C1orf87: variants seen among roughly 807,000 people sequenced by gnomAD.
C1orf87 encodes uncharacterized protein C1orf87.
A neutral mutation model predicts 60.5 loss-of-function variants in C1orf87; 58 were observed. That is an observed-to-expected ratio of 0.96 (90% CI 0.78 to 1.19). C1orf87 has a LOEUF of 1.19. Among genes scored for constraint, C1orf87 ranks in the 50% most tolerant of loss-of-function variants. The pLI is 0.00. For missense variants in C1orf87, 673 were observed against 638.6 expected (o/e 1.05, Z -0.58); for synonymous variants, 236 against 227.4 (o/e 1.04, Z -0.34).
chr1:60,050,960 C>T (rs969698682), intron 3 of C1orf87, among the ~76,000 whole-genome samples: 2 of 152,136 alleles, frequency 1.3e-5, no homozygotes, highest in Non-Finnish European at 2.9e-5. Context: ...TTACCTCAGT[C>T]TTGGAAATCA....
intron 11 of C1orf87, 137 bp downstream of exon 11, chr1:59,997,472 G>T: frequency 1.4e-6 from 1 of 740,172 alleles, no homozygotes; most frequent in Non-Finnish European, 2.2e-6. Context: ...TTTCTGGATT[G>T]TGCTCAGCAC....
At chr1:60,017,456 T>G (rs1476486633) in intron 8 of C1orf87, among the ~76,000 whole-genome samples, 1 of 152,200 alleles carries the variant, frequency 6.6e-6, no homozygotes. Flanking sequence ...CTGTGTCAAT[T>G]GCTCCCCTCT....
intron 8 of C1orf87, among the ~76,000 whole-genome samples, chr1:60,011,684 A>G (rs1217921303): frequency 6.6e-6 from 1 of 152,142 alleles, no homozygotes. Flanking sequence ...TGGGAAATAC[A>G]TATGCTGGGT....
At chr1:60,063,941 G>A (rs995587523) in intron 2 of C1orf87, among the ~76,000 whole-genome samples, 1 of 152,136 alleles carries the variant, frequency 6.6e-6, no homozygotes, top group East Asian at 1.9e-4. Context: ...TGTTGCCAAA[G>A]GAGGTTAACA....
chr1:60,039,783 TA>T, intron 5 of C1orf87, 133 bp downstream of exon 5: 1 of 988,024 alleles, frequency 1.0e-6, no homozygotes, highest in Non-Finnish European at 1.5e-6. Context: ...TGAATATAAA[TA>T]AGCTTTTTAT....
chr1:60,047,722 A>G (rs940669238), intron 3 of C1orf87, among the ~76,000 whole-genome samples: 3 of 117,490 alleles, frequency 2.6e-5, no homozygotes, highest in African/African-American at 9.1e-5. Context: ...TATACCCCAA[A>G]TAGCAAGTCC....
At chr1:60,041,560 T>C (rs1386331013) in intron 3 of C1orf87, among the ~76,000 whole-genome samples, 1 of 152,160 alleles carries the variant, frequency 6.6e-6, no homozygotes, top group African/African-American at 2.4e-5. Flanking sequence ...AATATTATAC[T>C]CTAGGAGTAA....
At chr1:60,047,795 A>C (rs758089088) in intron 3 of C1orf87, among the ~76,000 whole-genome samples, 3 of 152,026 alleles carry the variant, frequency 2.0e-5, no homozygotes, top group Non-Finnish European at 2.9e-5. Context: ...TAAAATATAC[A>C]CACAGAGAAT....
At chr1:60,008,023 G>T (rs1163627326) in intron 9 of C1orf87, among the ~76,000 whole-genome samples, 1 of 151,860 alleles carries the variant, frequency 6.6e-6, no homozygotes, top group Non-Finnish European at 1.5e-5. Flanking sequence ...AGAAAAAAAT[G>T]GCTCACTCAG....
intron 8 of C1orf87, among the ~76,000 whole-genome samples, chr1:60,011,180 C>A (rs1290950979): frequency 2.0e-5 from 3 of 152,026 alleles, no homozygotes; most frequent in East Asian, 3.9e-4. Context: ...CTGCAAGAGA[C>A]AACCAGGTAA....
Position 60,040,172 on chromosome 1 carries a change from G to A in C1orf87, c.492C>T (p.Gly164=). ...CATTTGTTGTCCCACTTGGGCTCTG[G>A]CCAATATCCTAACACAACAATGAAA... is the stretch of plus-strand genomic sequence containing the variant. ...RGSSDQPEDI[G]QSPSGTTNED... The change falls in exon 5 of 12, where the codon GGC becomes GGT. Residue 164 remains glycine (G), a synonymous_variant. Coordinates refer to ENST00000371201, the MANE Select transcript of C1orf87 (RefSeq NM_152377.3). 1 of 1,612,004 alleles carries A rather than the reference G, an allele frequency of 6.2e-7. No individual in the cohort carries two copies. Among genetic ancestry groups the A allele is most frequent in the Non-Finnish European group, 8.5e-7 (1 of 1,179,526 alleles).
chr1:59,997,542 T>G, intron 11 of C1orf87, 67 bp downstream of exon 11: 5 of 1,462,192 alleles, frequency 3.4e-6, no homozygotes, highest in Non-Finnish European at 4.7e-6. Flanking sequence ...CAAAAGAAAA[T>G]GAGGTGCCTA....
intron 9 of C1orf87, among the ~76,000 whole-genome samples, chr1:60,005,424 T>C (rs952105529): frequency 6.7e-6 from 1 of 148,324 alleles, no homozygotes; most frequent in African/African-American, 2.5e-5. Context: ...CAGGTAGTGA[T>C]AAGTGCTATA....
chr1:60,000,244 G>A lies in C1orf87; in HGVS notation c.1272+833C>T, dbSNP rs78698413. 8.1e-3 allele frequency among the ~76,000 whole-genome samples: 1,235 copies of A among 152,252 alleles called. 11 individuals are homozygous for A. Among genetic ancestry groups the A allele is most frequent in the Non-Finnish European group, 0.015 (989 of 67,998 alleles). On this transcript the variant is annotated intron_variant, in intron 10 of 11. Transcript: ENST00000371201. ...TCTAAAAAGTGGGACAATCAATTCC[G>A]TTTGTACAGGAATGTGAGAAGAATC...
At chr1:60,010,251 TCC>T in intron 9 of C1orf87, 139 bp downstream of exon 9, 4 of 751,252 alleles carry the variant, frequency 5.3e-6, no homozygotes, top group Admixed American at 2.4e-5. Flanking sequence ...CCCCCATTTT[TCC>T]TTCACTGGGG....
chr1:60,033,090 A>G (rs1014712724), intron 7 of C1orf87, among the ~76,000 whole-genome samples: 1 of 152,324 alleles, frequency 6.6e-6, no homozygotes, highest in Admixed American at 6.5e-5. Context: ...AGTAAATTAC[A>G]TCGGTCCCTA....
Position 60,030,133 on chromosome 1 carries a change from A to T in C1orf87, c.1029+3343T>A, listed in dbSNP as rs560565956. 2.2e-3 allele frequency among the ~76,000 whole-genome samples: 328 copies of T among 152,234 alleles called. 3 individuals carry two copies. Among genetic ancestry groups the T allele is most frequent in the Non-Finnish European group, 4.0e-3 (273 of 68,014 alleles). ...TGCCTTTCCCCTGAGCTCCTGGAGAACTCAGGAGCCCAAACCATAAAAGTC... is the reference window on the plus strand; with the variant it reads ...TGCCTTTCCCCTGAGCTCCTGGAGATCTCAGGAGCCCAAACCATAAAAGTC... On this transcript the variant is annotated intron_variant, in intron 7 of 11. Transcript: ENST00000371201.
intron 8 of C1orf87, among the ~76,000 whole-genome samples, chr1:60,013,968 G>A (rs1336305218): frequency 2.0e-5 from 3 of 152,198 alleles, no homozygotes; most frequent in African/African-American, 4.8e-5. Flanking sequence ...ATATACAACT[G>A]ACAATGATCT....
chr1:60,020,940 G>A (rs2100270214), intron 8 of C1orf87, among the ~76,000 whole-genome samples: 1 of 152,274 alleles, frequency 6.6e-6, no homozygotes, highest in South Asian at 2.1e-4. Flanking sequence ...GGCCTGGTGG[G>A]AGGTGATTGG....
Sources: gnomAD v4.1 joint callset for allele counts (sites outside exome capture counted in the v4.1 genomes callset) on GRCh38, gnomAD v4.1.1 for gene constraint, MANE v1.5 for transcripts, NCBI Gene and HGNC (gene_info 2026-07-23, HGNC 2026-07-21) for gene names.